The following DGLUCY variants were observed in gnomAD, a reference collection of about 807,000 sequenced individuals.
DGLUCY encodes the protein D-glutamate cyclase.
DGLUCY carries 58 observed loss-of-function variants against 58.5 expected under a neutral mutation model. That is an observed-to-expected ratio of 0.99 (90% CI 0.80 to 1.23). The LOEUF (loss-of-function observed/expected upper bound fraction) is 1.23, where lower values mean the gene tolerates loss of function less well. DGLUCY is among the 50% of genes most tolerant of loss of function. The pLI is 0.00. For missense variants in DGLUCY, 779 were observed against 784.7 expected (o/e 0.99, Z 0.09); for synonymous variants, 325 against 314.1 (o/e 1.03, Z -0.37).
chr14:91,071,755 C>G (rs965785966), intron 1 of DGLUCY, among the ~76,000 whole-genome samples: 1 of 151,956 alleles, frequency 6.6e-6, no homozygotes, highest in South Asian at 2.1e-4. Context: ...GTAGTCCCAG[C>G]TACTCAGGAG....
At chr14:91,096,383 C>T (rs1411542672) in intron 1 of DGLUCY, among the ~76,000 whole-genome samples, 1 of 150,588 alleles carries the variant, frequency 6.6e-6, no homozygotes, top group East Asian at 2.0e-4. Flanking sequence ...GATTGTGCCA[C>T]TGCACTCCAG....
At chr14:91,100,946 C>G (rs983888231) in intron 1 of DGLUCY, among the ~76,000 whole-genome samples, 1 of 152,016 alleles carries the variant, frequency 6.6e-6, no homozygotes, top group Non-Finnish European at 1.5e-5. Context: ...TGGCGCACAC[C>G]TATGGTCCCA....
At chr14:91,202,198 G>C (rs1434308222) in intron 11 of DGLUCY, among the ~76,000 whole-genome samples, 1 of 152,130 alleles carries the variant, frequency 6.6e-6, no homozygotes, top group Non-Finnish European at 1.5e-5. Context: ...AGTCCCAGGA[G>C]GTTTTCCCAG....
intron 9 of DGLUCY, among the ~76,000 whole-genome samples, chr14:91,192,047 C>T (rs558263019): frequency 6.6e-6 from 1 of 152,330 alleles, no homozygotes; most frequent in South Asian, 2.1e-4. Context: ...AAAGCAGGGA[C>T]TCAAGAGGTA....
chr14:91,112,292 G>A (rs1488080427), upstream of DGLUCY, among the ~76,000 whole-genome samples: 3 of 152,042 alleles, frequency 2.0e-5, no homozygotes, highest in Non-Finnish European at 4.4e-5. Context: ...GTGGCAGATG[G>A]GATCTCTCTC....
chr14:91,211,520 A>G (rs1679314507), intron 12 of DGLUCY, among the ~76,000 whole-genome samples: 1 of 152,232 alleles, frequency 6.6e-6, no homozygotes. Flanking sequence ...CCAGAAGTAG[A>G]CCCACACAAA....
At chr14:91,205,894 G>A (rs1191344398) in intron 12 of DGLUCY, among the ~76,000 whole-genome samples, 1 of 126,224 alleles carries the variant, frequency 7.9e-6, no homozygotes. Context: ...AGGCTGGAGT[G>A]CAGTAGTGCC....
intron 2 of DGLUCY, among the ~76,000 whole-genome samples, chr14:91,158,363 T>G (rs1337213526): frequency 2.0e-5 from 3 of 152,244 alleles, no homozygotes; most frequent in African/African-American, 7.2e-5. Flanking sequence ...CTCTCCCCTG[T>G]GTCCCCACAG....
At chr14:91,086,338 A>C (rs777955419) in intron 1 of DGLUCY, among the ~76,000 whole-genome samples, 12 of 152,220 alleles carry the variant, frequency 7.9e-5, no homozygotes, top group Non-Finnish European at 1.5e-4. Flanking sequence ...TGCCTGGTCC[A>C]TGGAAAAATG....
At chr14:91,197,827 G>A (rs1384658549) in intron 10 of DGLUCY, among the ~76,000 whole-genome samples, 1 of 152,158 alleles carries the variant, frequency 6.6e-6, no homozygotes, top group African/African-American at 2.4e-5. Flanking sequence ...CCTGCTCTTG[G>A]CTATGCTGAA....
chr14:91,094,175 G>A (rs1417004166), intron 1 of DGLUCY, among the ~76,000 whole-genome samples: 1 of 152,136 alleles, frequency 6.6e-6, no homozygotes, highest in Non-Finnish European at 1.5e-5. Flanking sequence ...GGTAGCTCAC[G>A]CCTATAATCC....
chr14:91,112,399 G>A (rs549933326), upstream of DGLUCY, among the ~76,000 whole-genome samples: 3 of 152,268 alleles, frequency 2.0e-5, no homozygotes, highest in South Asian at 6.2e-4. Context: ...GAGCAACTTA[G>A]ACAGCAGGGC....
intron 1 of DGLUCY, among the ~76,000 whole-genome samples, chr14:91,102,785 G>GTGTGTGTT (rs2044514268): frequency 6.6e-6 from 1 of 150,548 alleles, no homozygotes; most frequent in Non-Finnish European, 1.5e-5. Flanking sequence ...GTGTGTGTGT[G>GTGTGTGTT]TTTGAGACTG....
chr14:91,093,524 G>A (rs968686927), intron 1 of DGLUCY, among the ~76,000 whole-genome samples: 13 of 152,168 alleles, frequency 8.5e-5, no homozygotes, highest in Non-Finnish European at 1.9e-4. Flanking sequence ...GTTCATGCCT[G>A]TAATCCCAGC....
At chr14:91,169,700 G>A (rs1883740271) in intron 4 of DGLUCY, among the ~76,000 whole-genome samples, 1 of 151,252 alleles carries the variant, frequency 6.6e-6, no homozygotes, top group South Asian at 2.1e-4. Flanking sequence ...ATGAGCCACC[G>A]TGCCTGGCCA....
intron 7 of DGLUCY, among the ~76,000 whole-genome samples, chr14:91,179,986 G>T (rs1229021762): frequency 2.1e-5 from 3 of 139,716 alleles, no homozygotes. Flanking sequence ...CTGCCTCCCA[G>T]GTTCAAGCAA....
intron 11 of DGLUCY, among the ~76,000 whole-genome samples, chr14:91,201,030 G>C (rs1168048216): frequency 6.6e-6 from 1 of 152,076 alleles, no homozygotes; most frequent in African/African-American, 2.4e-5. Context: ...TCAAGGGTGG[G>C]GAGGGTGTAT....
chr14:91,143,034 A>G (rs1212629204), intron 1 of DGLUCY, among the ~76,000 whole-genome samples: 1 of 150,050 alleles, frequency 6.7e-6, no homozygotes, highest in African/African-American at 2.4e-5. Flanking sequence ...CCTCTCAAAA[A>G]AAAAAAAAAA....
rs531037209 is a variant in DGLUCY at position 91,138,289 on chromosome 14, C to T, written c.-81-19350C>T. On this transcript the variant is annotated intron_variant, in intron 1 of 13. Transcript: ENST00000256324. ...GGTGGATCACCTGAGGTCGGGAGTT[C>T]GAAACCAGCCTGACCAACATGGAGA... is the stretch of plus-strand genomic sequence containing the variant. Among the ~76,000 whole-genome samples the T allele has an allele frequency of 1.5e-3, 229 of 152,138 alleles. 2 individuals carry two copies. The highest frequency in any genetic ancestry group is 4.1e-3 in the Admixed American group (63 of 15,264).
Sources: gnomAD v4.1 joint callset for allele counts (sites outside exome capture counted in the v4.1 genomes callset) on GRCh38, gnomAD v4.1.1 for gene constraint, MANE v1.5 for transcripts, NCBI Gene and HGNC (gene_info 2026-07-23, HGNC 2026-07-21) for gene names.